The following PRKN variants were observed in gnomAD, a reference collection of about 807,000 sequenced individuals.
PRKN encodes the protein E3 ubiquitin-protein ligase parkin.
Under a neutral mutation model 59.5 loss-of-function variants are expected in PRKN, and 56 were observed. The observed-to-expected ratio is 0.94, with a 90% confidence interval of 0.76 to 1.18. The LOEUF is 1.18. PRKN is among the 50% of genes most tolerant of loss of function. PRKN has a pLI of 0.00. For missense variants in PRKN, 657 were observed against 596.4 expected (o/e 1.10, Z -1.06); for synonymous variants, 250 against 222.1 (o/e 1.13, Z -1.12).
chr6:162,449,808 A>T (rs1790503568), intron 1 of PRKN, among the ~76,000 whole-genome samples: 1 of 152,166 alleles, frequency 6.6e-6, no homozygotes, highest in African/African-American at 2.4e-5. Flanking sequence ...CCTGCAAAAA[A>T]ACTACTATAA....
Position 161,376,143 on chromosome 6 carries a change from G to C in PRKN, c.1167+10651C>G, listed in dbSNP as rs1456727029. Among the ~76,000 whole-genome samples, 1 of 152,194 alleles carries C rather than the reference G, an allele frequency of 6.6e-6. No homozygotes were observed. The highest frequency in any genetic ancestry group is 1.5e-5 in the Non-Finnish European group (1 of 68,034). On this transcript the variant is annotated intron_variant, in intron 10 of 11. Coordinates refer to ENST00000366898, the MANE Select transcript of PRKN (RefSeq NM_004562.3). This position sits in a 1 kb window ranked among gnomAD's most constrained non-coding sequence, Gnocchi z 7.3. ...GCTCCCTGGAGCCACTGCTGCTTCAGTGTCCTCCACTGAGGGAGGTGCACC... is the reference window on the plus strand; with the variant it reads ...GCTCCCTGGAGCCACTGCTGCTTCACTGTCCTCCACTGAGGGAGGTGCACC...
intron 1 of PRKN, among the ~76,000 whole-genome samples, chr6:162,628,974 G>T (rs1265166853): frequency 6.6e-6 from 1 of 151,982 alleles, no homozygotes; most frequent in Non-Finnish European, 1.5e-5. Context: ...TTTATTATGT[G>T]AAAACTCCAT....
intron 9 of PRKN, among the ~76,000 whole-genome samples, chr6:161,436,168 AGATGGGAGGGCAGAGAGCAGGG>A (rs1788885354): frequency 4.3e-5 from 2 of 46,986 alleles, no homozygotes; most frequent in East Asian, 9.2e-4. Flanking sequence ...GGAGGGGGCG[AGATGGGAGGGCAGAGAGCAGGG>A]GGCAGGATGG....
intron 6 of PRKN, among the ~76,000 whole-genome samples, chr6:161,911,628 C>T (rs1259516122): frequency 6.6e-6 from 1 of 151,954 alleles, no homozygotes; most frequent in Non-Finnish European, 1.5e-5. Context: ...GTTATTGTCA[C>T]TGGAGGAAAA....
chr6:162,279,999 T>G (rs985201856), intron 2 of PRKN, among the ~76,000 whole-genome samples: 6 of 150,338 alleles, frequency 4.0e-5, no homozygotes, highest in South Asian at 2.1e-4. Flanking sequence ...CAAACTCTCC[T>G]TTTTTTTTGC....
In PRKN at chr6:162,213,856, CACAT is replaced by C. The variant is rs1364892602; in HGVS notation, c.413-12608_413-12605del. On this transcript the variant is annotated intron_variant, in intron 3 of 11. Transcript: ENST00000366898. ...ACACACACACACACACACACACACA[CACAT>C]ATGAATAGTAAGAAGTAATAGAGTC... Among the ~76,000 whole-genome samples, 32 of 98,832 alleles carry C rather than the reference CACAT, an allele frequency of 3.2e-4. 1 individual carries two copies. In the South Asian group the frequency reaches 7.4e-3, roughly 23 times the overall value. 64.8% of individuals were successfully genotyped at this position (98,832 alleles called of 152,430 possible). A position where few individuals can be genotyped will look rare whatever the true frequency, so the allele number is the denominator to read the frequency against.
rs1562458723 is a variant in PRKN, at chr6:162,011,360, TA to T, written c.619-37944del. Among the ~76,000 whole-genome samples the T allele has an allele frequency of 1.6e-4, 5 of 32,202 alleles. 1 individual carries two copies. The highest frequency in any genetic ancestry group is 4.6e-4 in the African/African-American group (3 of 6,462). The allele number at this position is 32,202 out of a possible 152,430, so 21.1% of individuals were successfully genotyped here. A position where few individuals can be genotyped will look rare whatever the true frequency, so the allele number is the denominator to read the frequency against. Reference sequence around the variant, plus strand: ...TATTATATATTATAATATATATTTATAATATATATAATATATTATATATTTA... The same window carrying T: ...TATTATATATTATAATATATATTTATATATATATAATATATTATATATTTA... On this transcript the variant is annotated intron_variant, in intron 5 of 11. Coordinates refer to ENST00000366898, the MANE Select transcript of PRKN (RefSeq NM_004562.3).
chr6:161,849,402 C>G (rs1793333385), intron 6 of PRKN, among the ~76,000 whole-genome samples: 2 of 152,166 alleles, frequency 1.3e-5, no homozygotes, highest in Non-Finnish European at 2.9e-5. Context: ...GTAATTTAAA[C>G]TAATTGCATC....
chr6:162,368,997 T>C (rs978390104), intron 2 of PRKN, among the ~76,000 whole-genome samples: 16 of 152,332 alleles, frequency 1.1e-4, no homozygotes, highest in African/African-American at 3.1e-4. Flanking sequence ...GCATGGACAC[T>C]AGCACTCATT....
chr6:162,551,287 C>G (rs1751986287), intron 1 of PRKN, among the ~76,000 whole-genome samples: 1 of 152,148 alleles, frequency 6.6e-6, no homozygotes, highest in Admixed American at 6.5e-5. Flanking sequence ...CGTCTGAAAA[C>G]TATACCCAAT....
intron 1 of PRKN, among the ~76,000 whole-genome samples, chr6:162,572,505 TATCCTGATG>T (rs1780378934): frequency 6.6e-6 from 1 of 152,166 alleles, no homozygotes. Flanking sequence ...TCCGAATTAC[TATCCTGATG>T]GGCCAGGTGT....
chr6:161,614,032 T>G (rs996810716), intron 7 of PRKN, among the ~76,000 whole-genome samples: 2 of 152,176 alleles, frequency 1.3e-5, no homozygotes, highest in African/African-American at 4.8e-5. Flanking sequence ...CCCTTTTCCT[T>G]GCTGTCTACC....
At chr6:162,681,215 G>C in intron 1 of PRKN, among the ~76,000 whole-genome samples, 1 of 152,078 alleles carries the variant, frequency 6.6e-6, no homozygotes, top group East Asian at 1.9e-4. Context: ...ATGTACCAAA[G>C]AAAAATTCTT....
intron 7 of PRKN, among the ~76,000 whole-genome samples, chr6:161,706,853 C>G (rs552901763): frequency 2.0e-5 from 3 of 152,094 alleles, no homozygotes; most frequent in Non-Finnish European, 4.4e-5. Context: ...CCACCACACC[C>G]GGACTGACTC....
intron 5 of PRKN, among the ~76,000 whole-genome samples, chr6:162,025,237 T>C (rs896245328): frequency 1.3e-5 from 2 of 151,954 alleles, no homozygotes; most frequent in Non-Finnish European, 2.9e-5. Flanking sequence ...TCTTCTGACC[T>C]TGTGATCCGA....
Position 161,475,114 on chromosome 6 carries a change from C to G in PRKN, c.1083+73740G>C, listed in dbSNP as rs935208858. Among the ~76,000 whole-genome samples, 2 of 152,274 alleles carry G rather than the reference C, an allele frequency of 1.3e-5. No homozygotes were observed. Among genetic ancestry groups the G allele is most frequent in the South Asian group, 2.1e-4 (1 of 4,822 alleles). ...GTTTCACCATGTTGGCCAGGATGGT[C>G]TCGATCTCTTGACCTCATGATCTGC... On this transcript the variant is annotated intron_variant, in intron 9 of 11. Transcript: ENST00000366898. This position sits in a 1 kb window ranked among gnomAD's most constrained non-coding sequence, Gnocchi z 5.3.
At chr6:161,875,194 T>C (rs1432026018) in intron 6 of PRKN, among the ~76,000 whole-genome samples, 2 of 144,264 alleles carry the variant, frequency 1.4e-5, no homozygotes, top group African/African-American at 5.2e-5. Context: ...TGTGTGTATA[T>C]ATGTATACAT....
rs1322759166 is a variant in PRKN at position 162,018,845 on chromosome 6, C to CT, written c.618+35245dup. 4.6e-5 allele frequency among the ~76,000 whole-genome samples: 7 copies of CT among 152,228 alleles called. No individual in the cohort carries two copies. The East Asian group carries it at 1.4e-3, about 29-fold the overall frequency. On this transcript the variant is annotated intron_variant, in intron 5 of 11. Coordinates refer to ENST00000366898, the MANE Select transcript of PRKN (RefSeq NM_004562.3). Reference sequence around the variant, plus strand: ...TAATGACTTTATGTTATCTGAAACTCTAAGTTAAATATAAAATCTAGAGCA... The same window carrying CT: ...TAATGACTTTATGTTATCTGAAACTCTTAAGTTAAATATAAAATCTAGAGCA...
chr6:161,838,622 T>A (rs528802175), intron 6 of PRKN, among the ~76,000 whole-genome samples: 99 of 152,334 alleles, frequency 6.5e-4, no homozygotes, highest in African/African-American at 1.7e-3. Flanking sequence ...CTCTTCCTCA[T>A]CCTTAATGCT....
Sources: gnomAD v4.1 joint callset for allele counts (sites outside exome capture counted in the v4.1 genomes callset) on GRCh38, gnomAD v4.1.1 for gene constraint, Gnocchi (gnomAD v3.1) non-coding constraint, MANE v1.5 for transcripts, NCBI Gene and HGNC (gene_info 2026-07-23, HGNC 2026-07-21) for gene names.